CLHC1: variants seen among roughly 807,000 people sequenced by gnomAD.
CLHC1 encodes clathrin heavy chain linker domain containing 1, also known as clathrin heavy chain linker domain-containing protein 1.
Under a neutral mutation model 69.5 loss-of-function variants are expected in CLHC1, and 72 were observed. The observed-to-expected ratio is 1.04, with a 90% CI of 0.86 to 1.26. The LOEUF is 1.26. CLHC1 is among the 50% of genes most tolerant of loss of function. CLHC1 has a pLI of 0.00. For missense variants in CLHC1, 790 were observed against 679.3 expected (o/e 1.16, Z -1.81); for synonymous variants, 223 against 224.3 (o/e 0.99, Z 0.05).
chr2:55,179,152 C>A (rs925964617), intron 11 of CLHC1, among the ~76,000 whole-genome samples: 8 of 151,968 alleles, frequency 5.3e-5, no homozygotes, highest in Non-Finnish European at 1.0e-4. Context: ...ATAATTCTTA[C>A]ATATGGAAAA....
In CLHC1 at chr2:55,193,040, G is replaced by A. The variant is rs997790434; in HGVS notation, c.1007-11296C>T. Reference sequence around the variant, plus strand: ...CGAGTAGCTGGGATTCCAGGTACCCGCCACCACACCCGGCGGCTAATTTTT... The same window carrying A: ...CGAGTAGCTGGGATTCCAGGTACCCACCACCACACCCGGCGGCTAATTTTT... On this transcript the variant is annotated intron_variant, in intron 9 of 12. Coordinates refer to ENST00000401408, the MANE Select transcript of CLHC1 (RefSeq NM_152385.4). 1.5e-4 allele frequency among the ~76,000 whole-genome samples: 21 copies of A among 139,772 alleles called. No individual in the cohort carries two copies. In the South Asian group the frequency reaches 2.0e-3, roughly 13 times the overall value. 91.7% of individuals were successfully genotyped at this position (139,772 alleles called of 152,430 possible). A position where few individuals can be genotyped will look rare whatever the true frequency, so the allele number is the denominator to read the frequency against.
chr2:55,204,946 G>A (rs1385997997), intron 9 of CLHC1, among the ~76,000 whole-genome samples: 1 of 152,102 alleles, frequency 6.6e-6, no homozygotes, highest in African/African-American at 2.4e-5. Context: ...TAGTAGGGGA[G>A]TTGGGTGGGG....
intron 9 of CLHC1, among the ~76,000 whole-genome samples, chr2:55,187,671 C>T (rs1670546173): frequency 6.6e-6 from 1 of 151,246 alleles, no homozygotes. Context: ...AACACAAAAA[C>T]AAGTTTCAGG....
At chr2:55,178,398 G>C (rs1020403926) in intron 11 of CLHC1, among the ~76,000 whole-genome samples, 1 of 152,218 alleles carries the variant, frequency 6.6e-6, no homozygotes, top group African/African-American at 2.4e-5. Context: ...GCCACAAAAA[G>C]AACAATTCCA....
chr2:55,181,885 G>A (rs1350290643), intron 9 of CLHC1, 141 bp from the exon 10 acceptor site: 1 of 668,110 alleles, frequency 1.5e-6, no homozygotes, highest in African/African-American at 1.8e-5. Context: ...TTTAACTCAT[G>A]CTTATAGATT....
intron 5 of CLHC1, among the ~76,000 whole-genome samples, chr2:55,211,846 G>A (rs1429665007): frequency 6.6e-6 from 1 of 152,110 alleles, no homozygotes; most frequent in Non-Finnish European, 1.5e-5. Context: ...CTTAAAATGT[G>A]GTAACAGTAT....
rs1321660478 is a variant in CLHC1 at position 55,173,797 on chromosome 2, TG to T, written c.*1992del. ...TTCACTTGACAACTTTTACTTTCCT[TG>T]GGAAAGCTGCCAAAGGCAATGCTAA... On this transcript the variant is annotated 3_prime_UTR_variant, in exon 13 of 13. Coordinates refer to ENST00000401408, the MANE Select transcript of CLHC1 (RefSeq NM_152385.4). 1.3e-5 allele frequency among the ~76,000 whole-genome samples: 2 copies of T among 152,178 alleles called. No individual in the cohort carries two copies. The highest frequency in any genetic ancestry group is 2.9e-5 in the Non-Finnish European group (2 of 68,032).
At chr2:55,179,233 C>T (rs1439944090) in intron 11 of CLHC1, among the ~76,000 whole-genome samples, 2 of 152,040 alleles carry the variant, frequency 1.3e-5, no homozygotes, top group African/African-American at 4.8e-5. Flanking sequence ...ACCTACTATG[C>T]CAGATTCTGT....
chr2:55,189,347 GTTA>G (rs1180695775), intron 9 of CLHC1, among the ~76,000 whole-genome samples: 3 of 152,156 alleles, frequency 2.0e-5, no homozygotes, highest in Non-Finnish European at 2.9e-5. Context: ...TTGTTAAATA[GTTA>G]TTATGTTAAT....
chr2:55,202,892 C>T (rs1573683925), intron 9 of CLHC1, among the ~76,000 whole-genome samples: 1 of 107,064 alleles, frequency 9.3e-6, no homozygotes, highest in Non-Finnish European at 1.8e-5. Flanking sequence ...GAGTGAGACT[C>T]ATCTCAAAAA....
At chr2:55,214,158 T>G (rs1370878266) in intron 4 of CLHC1, among the ~76,000 whole-genome samples, 1 of 152,116 alleles carries the variant, frequency 6.6e-6, no homozygotes, top group Non-Finnish European at 1.5e-5. Context: ...TGAGTAAAAT[T>G]TGATCAGGAA....
At chr2:55,196,178 T>A (rs1156975202) in intron 9 of CLHC1, among the ~76,000 whole-genome samples, 1 of 152,044 alleles carries the variant, frequency 6.6e-6, no homozygotes, top group Admixed American at 6.6e-5. Context: ...TCCCAGCAGG[T>A]TGGAATTTGA....
intron 2 of CLHC1, chr2:55,224,728 G>C: frequency 3.4e-6 from 1 of 296,592 alleles, no homozygotes; most frequent in Non-Finnish European, 7.1e-6. Context: ...TACTTCAAGA[G>C]ATTCTGCCTC....
chr2:55,195,161 G>T (rs979816225), intron 9 of CLHC1, among the ~76,000 whole-genome samples: 8 of 152,030 alleles, frequency 5.3e-5, no homozygotes, highest in Non-Finnish European at 1.0e-4. Context: ...CTCAAACTTA[G>T]TATCCTCTGA....
At chr2:55,226,525 A>T (rs1275016305) in intron 2 of CLHC1, among the ~76,000 whole-genome samples, 1 of 152,238 alleles carries the variant, frequency 6.6e-6, no homozygotes, top group Admixed American at 6.5e-5. Context: ...TATTAAAAGC[A>T]CTTTTTCATG....
At chr2:55,179,384 C>T (rs1265224481) in intron 11 of CLHC1, among the ~76,000 whole-genome samples, 2 of 151,302 alleles carry the variant, frequency 1.3e-5, no homozygotes, top group Non-Finnish European at 2.9e-5. Flanking sequence ...TGAGATAATC[C>T]ATGAAAAAAA....
chr2:55,177,844 G>A, intron 11 of CLHC1, 63 bp from the exon 12 acceptor site: 1 of 1,242,584 alleles, frequency 8.0e-7, no homozygotes, highest in Non-Finnish European at 1.1e-6. Context: ...CTAGAAACTA[G>A]GACTAGCTAA....
chr2:55,221,998 T>C (rs761597959), intron 3 of CLHC1, among the ~76,000 whole-genome samples: 1 of 152,114 alleles, frequency 6.6e-6, no homozygotes, highest in African/African-American at 2.4e-5. Context: ...TAAAGGAAAC[T>C]TATAATCTGC....
intron 9 of CLHC1, among the ~76,000 whole-genome samples, chr2:55,183,225 A>C (rs1670087383): frequency 6.6e-6 from 1 of 152,182 alleles, no homozygotes; most frequent in Admixed American, 6.5e-5. Context: ...ATTAAACAAG[A>C]GATTGCAGTT....
Sources: allele counts gnomAD v4.1 joint callset (sites outside exome capture counted in the v4.1 genomes callset), GRCh38; gene constraint gnomAD v4.1.1; transcripts MANE v1.5; gene names NCBI Gene and HGNC (gene_info 2026-07-23, HGNC 2026-07-21).